PARD3B: variants seen among roughly 807,000 people sequenced by gnomAD.
The protein encoded by PARD3B is partitioning defective 3 homolog B.
Under a neutral mutation model 130.2 loss-of-function variants are expected in PARD3B, and 103 were observed. The observed-to-expected ratio is 0.79, with a 90% confidence interval of 0.67 to 0.93. The LOEUF (loss-of-function observed/expected upper bound fraction) is 0.93. Among genes scored for constraint, PARD3B ranks in the 40% least tolerant of loss-of-function variants. The pLI is 0.00. For missense variants in PARD3B, 1,609 were observed against 1,499.2 expected (o/e 1.07, Z -1.21); for synonymous variants, 583 against 553.2 (o/e 1.05, Z -0.76).
At position 204,962,400 on chromosome 2, in the gene PARD3B, G is replaced by T. The variant is rs138108270; in HGVS notation, c.223-2752G>T. Among the ~76,000 whole-genome samples the T allele has an allele frequency of 2.5e-3, 377 of 152,174 alleles. 3 individuals are homozygous for T. The highest frequency in any genetic ancestry group is 8.6e-3 in the African/African-American group (357 of 41,506). ...CATGCCATACAAGTTTACTCTAAGC[G>T]AAACCTTAACACAAAAGCTTTTTAA... On this transcript the variant is annotated intron_variant, in intron 2 of 22. Coordinates refer to ENST00000406610, the MANE Select transcript of PARD3B (RefSeq NM_001302769.2).
chr2:205,456,728 A>G (rs946715266), intron 20 of PARD3B, among the ~76,000 whole-genome samples: 18 of 151,436 alleles, frequency 1.2e-4, no homozygotes, highest in African/African-American at 4.1e-4. Flanking sequence ...TTGCATTTCT[A>G]GAATAAAACT....
chr2:204,650,364 A>C (rs1311319373), intron 1 of PARD3B, among the ~76,000 whole-genome samples: 1 of 152,166 alleles, frequency 6.6e-6, no homozygotes, highest in African/African-American at 2.4e-5. Flanking sequence ...TTAAAAACAG[A>C]ATGACCATTC....
rs1239848730 is a variant in PARD3B, at chr2:205,257,371, G to GA, written c.2185+11560dup. ...AGCAAACCAAACCACAACTGCAAAAGAAAAAAAAAAAGACAGTTTGGTTTT... is the reference window on the plus strand; with the variant it reads ...AGCAAACCAAACCACAACTGCAAAAGAAAAAAAAAAAAGACAGTTTGGTTTT... On this transcript the variant is annotated intron_variant, in intron 16 of 22. Coordinates refer to ENST00000406610, the MANE Select transcript of PARD3B (RefSeq NM_001302769.2). Among the ~76,000 whole-genome samples, 1,228 of 137,808 alleles carry GA rather than the reference G, an allele frequency of 8.9e-3. 17 individuals carry two copies. Among genetic ancestry groups the GA allele is most frequent in the African/African-American group, 0.014 (539 of 37,716 alleles). The allele number at this position is 137,808 out of a possible 152,430, so 90.4% of individuals were successfully genotyped here.
chr2:205,046,265 A>T lies in PARD3B; in HGVS notation c.395-1316A>T, dbSNP rs528967410. 5.8e-3 allele frequency among the ~76,000 whole-genome samples: 853 copies of T among 148,282 alleles called. 5 individuals carry two copies. The highest frequency in any genetic ancestry group is 0.014 in the African/African-American group (559 of 40,476). On this transcript the variant is annotated intron_variant, in intron 3 of 22. Transcript: ENST00000406610. ...TCTACTCTTCTTGTTTTTTTTTTTTAAAAATGTTTTATTTCAAAGAACAAT... is the reference window on the plus strand; with the variant it reads ...TCTACTCTTCTTGTTTTTTTTTTTTTAAAATGTTTTATTTCAAAGAACAAT...
At chr2:205,267,100 A>T (rs1006299129) in intron 16 of PARD3B, among the ~76,000 whole-genome samples, 2 of 152,330 alleles carry the variant, frequency 1.3e-5, no homozygotes, top group African/African-American at 4.8e-5. Context: ...GTGAAATTTT[A>T]CAAATGCATA....
rs572403823 is a variant in PARD3B, at chr2:205,553,364, G to A, written c.3221G>A (p.Arg1074His). The A allele has an allele frequency of 2.8e-5, 45 of 1,614,024 alleles. 1 individual carries two copies. Among genetic ancestry groups the A allele is most frequent in the African/African-American group, 1.3e-4 (10 of 75,042 alleles). Reference protein sequence around the residue: ...RGPDGNAHNLRFEGMERQYAS... With the variant: ...RGPDGNAHNLHFEGMERQYAS... ...CCAGATGGGAATGCACACAACCTCC[G>A]CTTTGAAGGGATGGAGAGGCAGTAC... Residue 1074 changes from arginine (R) to histidine (H), a missense_variant, in exon 22 of 23, where the codon CGC becomes CAC. By Grantham distance (29) the Arg-to-His change is conservative. Transcript: ENST00000406610.
chr2:204,679,107 CAT>C (rs1413957631), intron 1 of PARD3B, among the ~76,000 whole-genome samples: 2 of 152,164 alleles, frequency 1.3e-5, no homozygotes, highest in African/African-American at 4.8e-5. Flanking sequence ...GAGATTTACT[CAT>C]GTTGTCGCAT....
intron 3 of PARD3B, among the ~76,000 whole-genome samples, chr2:205,028,255 T>C (rs549879079): frequency 8.1e-4 from 124 of 152,286 alleles, no homozygotes; most frequent in African/African-American, 2.8e-3. Context: ...CAACATCTTA[T>C]AGTTTTTGAT....
intron 16 of PARD3B, among the ~76,000 whole-genome samples, chr2:205,251,445 C>T (rs1304279383): frequency 6.6e-6 from 1 of 152,140 alleles, no homozygotes; most frequent in Admixed American, 6.5e-5. Flanking sequence ...GTTCTAAATG[C>T]AATGTGTATA....
At chr2:205,396,928 A>T (rs1418999737) in intron 18 of PARD3B, among the ~76,000 whole-genome samples, 1 of 152,212 alleles carries the variant, frequency 6.6e-6, no homozygotes, top group African/African-American at 2.4e-5. Flanking sequence ...AGTAAAAGTA[A>T]GAGTGGCTGT....
At chr2:204,572,529 G>C (rs531307145) in intron 1 of PARD3B, among the ~76,000 whole-genome samples, 2 of 152,224 alleles carry the variant, frequency 1.3e-5, no homozygotes, top group African/African-American at 4.8e-5. Flanking sequence ...CTAGTTACAG[G>C]GAATGGGGCT....
rs35633269 is a variant in PARD3B, at chr2:205,335,642, GAA to G, written c.2630+33951_2630+33952del. 1.4e-3 allele frequency among the ~76,000 whole-genome samples: 209 copies of G among 149,614 alleles called. 5 individuals carry two copies. The East Asian group carries it at 0.033, about 24-fold the overall frequency. The stretch of plus-strand genomic sequence containing the variant: ...TGATAAAGACATACACAAGACTGGG[GAA>G]AAAAAAAAAGAGGTTCGATGGACTT... On this transcript the variant is annotated intron_variant, in intron 18 of 22. Transcript: ENST00000406610.
chr2:204,849,203 T>C (rs2044601753), intron 2 of PARD3B, among the ~76,000 whole-genome samples: 1 of 152,172 alleles, frequency 6.6e-6, no homozygotes, highest in Admixed American at 6.6e-5. Flanking sequence ...ACAGAATAAT[T>C]AGAGTGCTGT....
At chr2:205,477,763 A>G (rs2049077339) in intron 20 of PARD3B, among the ~76,000 whole-genome samples, 1 of 152,230 alleles carries the variant, frequency 6.6e-6, no homozygotes. Context: ...CCATTGTCCA[A>G]CTGTGAGAGC....
At chr2:204,711,608 C>A (rs549170828) in intron 2 of PARD3B, among the ~76,000 whole-genome samples, 6 of 151,876 alleles carry the variant, frequency 4.0e-5, no homozygotes, top group Admixed American at 2.6e-4. Flanking sequence ...CACAGTGGCA[C>A]GATCTTGGCT....
At chr2:204,582,708 G>T (rs528103767) in intron 1 of PARD3B, among the ~76,000 whole-genome samples, 2 of 152,334 alleles carry the variant, frequency 1.3e-5, no homozygotes, top group South Asian at 4.1e-4. Flanking sequence ...TAGTTGGTTA[G>T]AAGGGAGGTT....
Position 205,292,156 on chromosome 2 carries a change from C to T in PARD3B, c.2186-8374C>T, listed in dbSNP as rs2041632642. ...AGCATGGGTCACAGAGGCTATCCCT[C>T]CCAAGGGCACAGGCAGCAACTTTGG... is the stretch of plus-strand genomic sequence containing the variant. On this transcript the variant is annotated intron_variant, in intron 16 of 22. Transcript: ENST00000406610. This position sits in a 1 kb window ranked among gnomAD's most constrained non-coding sequence, Gnocchi z 5.3. 6.6e-6 allele frequency among the ~76,000 whole-genome samples: 1 copy of T among 152,196 alleles called. No homozygotes were observed. Among genetic ancestry groups the T allele is most frequent in the African/African-American group, 2.4e-5 (1 of 41,448 alleles).
chr2:204,760,596 C>T (rs2040857933), intron 2 of PARD3B, among the ~76,000 whole-genome samples: 1 of 151,998 alleles, frequency 6.6e-6, no homozygotes, highest in Non-Finnish European at 1.5e-5. Context: ...GAACCCTTTA[C>T]TTTGAGGCAA....
intron 16 of PARD3B, among the ~76,000 whole-genome samples, chr2:205,260,972 A>G (rs576526895): frequency 2.0e-5 from 3 of 151,972 alleles, no homozygotes; most frequent in Non-Finnish European, 4.4e-5. Context: ...AGGTTCCTAG[A>G]TTCAGCATTT....
Sources: gnomAD v4.1 joint callset for allele counts (sites outside exome capture counted in the v4.1 genomes callset) on GRCh38, gnomAD v4.1.1 for gene constraint, Gnocchi (gnomAD v3.1) non-coding constraint, MANE v1.5 for transcripts, NCBI Gene and HGNC (gene_info 2026-07-23, HGNC 2026-07-21) for gene names.